Variants in TBCD observed in about 807,000 individuals in gnomAD.
The protein encoded by TBCD is tubulin-specific chaperone D.
Under a neutral mutation model 169.3 loss-of-function variants are expected in TBCD, and 105 were observed. That is an observed-to-expected ratio of 0.62 (90% confidence interval 0.53 to 0.73). The LOEUF (loss-of-function observed/expected upper bound fraction) is 0.73. TBCD is among the 30% of genes least tolerant of loss of function. The pLI, the probability that TBCD is intolerant of heterozygous loss-of-function variation, is 0.00. For missense variants in TBCD, 1,444 were observed against 1,600.1 expected, an observed-to-expected ratio of 0.90 and a Z score of 1.66; for synonymous variants, 700 against 643.9, an observed-to-expected ratio of 1.09 and a Z score of -1.32.
rs942035007 is a variant in TBCD, at chr17:82,777,883, G to T, written c.639-3706G>T. The stretch of plus-strand genomic sequence containing the variant: ...CTCTTTCCCGGTCCGCTAAGTAGCG[G>T]GTGTTTTTCCTTGACACTAACGCTA... On this transcript the variant is annotated intron_variant, in intron 6 of 38. Coordinates refer to ENST00000355528, the MANE Select transcript of TBCD (RefSeq NM_005993.5). 3.2e-4 allele frequency among the ~76,000 whole-genome samples: 48 copies of T among 152,272 alleles called. 1 individual carries two copies. Among genetic ancestry groups the T allele is most frequent in the Admixed American group, 2.7e-3 (41 of 15,296 alleles).
chr17:82,778,355 C>T (rs2048731150), intron 6 of TBCD, among the ~76,000 whole-genome samples: 1 of 152,218 alleles, frequency 6.6e-6, no homozygotes, highest in Admixed American at 6.5e-5. Flanking sequence ...CGGTTTGTCA[C>T]CACCTTAATG....
At chr17:82,827,863 ACCCC>A (rs1342995143) in intron 13 of TBCD, among the ~76,000 whole-genome samples, 3 of 107,276 alleles carry the variant, frequency 2.8e-5, no homozygotes, top group African/African-American at 1.1e-4. Flanking sequence ...ATGCACACAC[ACCCC>A]CCCACAGGCA....
intron 10 of TBCD, 57 bp from the exon 11 acceptor site, chr17:82,807,551 T>G: frequency 7.2e-7 from 1 of 1,384,774 alleles, no homozygotes. Context: ...ACCTTACAGC[T>G]GGGAAACTAG....
intron 14 of TBCD, among the ~76,000 whole-genome samples, chr17:82,878,811 C>T (rs923210246): frequency 2.6e-5 from 4 of 152,178 alleles, no homozygotes; most frequent in Non-Finnish European, 4.4e-5. Context: ...GTCCCCACCC[C>T]GACGTTCAGT....
chr17:82,814,948 G>T lies in TBCD; in HGVS notation c.1318+14G>T, dbSNP rs1380477031. On this transcript the variant is annotated intron_variant, in intron 13 of 38. Coordinates refer to ENST00000355528, the MANE Select transcript of TBCD (RefSeq NM_005993.5). ...GACTCGTGGATGGTGAGTAGCTGAG[G>T]CACGGTCAGGGGGGATGTCTGGCGC... The T allele has an allele frequency of 1.2e-6, 2 of 1,610,818 alleles. No homozygotes were observed. Among genetic ancestry groups the T allele is most frequent in the Admixed American group, 3.3e-5 (2 of 59,804 alleles).
Position 82,766,326 on chromosome 17 carries a change from T to C in TBCD, c.393T>C (p.Pro131=), listed in dbSNP as rs767608227. Reference sequence around the variant, plus strand: ...CTCATGAAGTTGCCGATGTAGAGCCTGTTTTAGATTTGGTCACAATTCAGA... The same window carrying C: ...CTCATGAAGTTGCCGATGTAGAGCCCGTTTTAGATTTGGTCACAATTCAGA... The part of the protein sequence containing the change: ...LFPHEVADVE[P]VLDLVTIQNP... The change falls in exon 4 of 39, where the codon CCT becomes CCC. Residue 131 remains proline, a synonymous_variant. Coordinates refer to ENST00000355528, the MANE Select transcript of TBCD (RefSeq NM_005993.5). The C allele has an allele frequency of 6.2e-7, 1 of 1,613,474 alleles. No individual in the cohort carries two copies. The highest frequency in any genetic ancestry group is 8.5e-7 in the Non-Finnish European group (1 of 1,179,690).
chr17:82,845,146 C>T (rs368138278), intron 13 of TBCD, among the ~76,000 whole-genome samples: 3 of 152,188 alleles, frequency 2.0e-5, no homozygotes, highest in Non-Finnish European at 4.4e-5. Flanking sequence ...TCCCTAGGGG[C>T]ACACAGGCTG....
intron 3 of TBCD, among the ~76,000 whole-genome samples, chr17:82,764,421 G>T (rs1487175149): frequency 2.0e-5 from 3 of 152,196 alleles, no homozygotes; most frequent in Non-Finnish European, 4.4e-5. Flanking sequence ...GAGGCAGGTG[G>T]ATCACCTGTG....
In TBCD at chr17:82,847,191, AAT is replaced by A. The variant is rs759110570; in HGVS notation, c.1319-23031_1319-23030del. ...ACAGTGAAACCCCGTCTCTACTAAA[AAT>A]ACACAAAAAATTAGCTGGGCGTGGT... On this transcript the variant is annotated intron_variant, in intron 13 of 38. Coordinates refer to ENST00000355528, the MANE Select transcript of TBCD (RefSeq NM_005993.5). Among the ~76,000 whole-genome samples the A allele has an allele frequency of 1.7e-3, 255 of 150,786 alleles. 1 individual carries two copies. Among genetic ancestry groups the A allele is most frequent in the Non-Finnish European group, 3.2e-3 (214 of 66,948 alleles).
chr17:82,939,359 T>C lies in TBCD; in HGVS notation c.3370-8T>C, dbSNP rs760490558. ...CCCTCCGGCAAATGCACTGCATCCC[T>C]GTCCCAGATCCGGAAGACCACGGCC... On this transcript the variant is annotated splice_polypyrimidine_tract_variant and splice_region_variant and intron_variant, in intron 36 of 38. Transcript: ENST00000355528. The C allele has an allele frequency of 6.2e-7, 1 of 1,607,726 alleles. No individual in the cohort carries two copies. Among genetic ancestry groups the C allele is most frequent in the Non-Finnish European group, 8.5e-7 (1 of 1,177,748 alleles).
rs1188172673 is a variant in TBCD at position 82,864,709 on chromosome 17, C to T, written c.1319-5515C>T. 6.6e-6 allele frequency among the ~76,000 whole-genome samples: 1 copy of T among 152,066 alleles called. No individual in the cohort carries two copies. The highest frequency in any genetic ancestry group is 1.5e-5 in the Non-Finnish European group (1 of 68,012). On this transcript the variant is annotated intron_variant, in intron 13 of 38. Transcript: ENST00000355528. This position sits in a 1 kb window ranked among gnomAD's most constrained non-coding sequence, Gnocchi z 6.3. ...GCGGGCTTGGGGCTTGGTGCGTGAT[C>T]CCACCGAGGCCGGGGTTGTGCTTGG...
intron 7 of TBCD, among the ~76,000 whole-genome samples, chr17:82,783,132 A>G (rs113525393): frequency 0.088 from 12,736 of 145,314 alleles, 1,470 homozygotes; most frequent in African/African-American, 0.27. Flanking sequence ...GGGTGGGGGC[A>G]TACGTTTCTT....
chr17:82,758,247 C>T (rs946391862), intron 2 of TBCD, among the ~76,000 whole-genome samples: 3 of 150,930 alleles, frequency 2.0e-5, no homozygotes, highest in Non-Finnish European at 3.0e-5. Flanking sequence ...AAATTAGCCG[C>T]GTGTGGTGCA....
chr17:82,941,788 CAAGTGCCAA>C (rs2063305059), intron 38 of TBCD: 1 of 427,302 alleles, frequency 2.3e-6, no homozygotes, highest in Non-Finnish European at 4.2e-6. Flanking sequence ...GTTTGTGCTC[CAAGTGCCAA>C]GAGTGCCACC....
Position 82,764,004 on chromosome 17 carries a change from A to G in TBCD, c.275A>G (p.Gln92Arg), listed in dbSNP as rs1254176772. Residue 92 changes from glutamine (Q) to arginine (R), a missense_variant, in exon 3 of 39, where the codon CAG becomes CGG. By Grantham distance (43) the Gln-to-Arg change is conservative (BLOSUM62 1). Coordinates refer to ENST00000355528, the MANE Select transcript of TBCD (RefSeq NM_005993.5). ...MNLLLDIVQD[Q>R]TSPASLVHLA... ...TTGTTGTTGGACATAGTGCAAGATCAGACATCTCCAGCTTCCCTTGTACAT... is the reference window on the plus strand; with the variant it reads ...TTGTTGTTGGACATAGTGCAAGATCGGACATCTCCAGCTTCCCTTGTACAT... The G allele has an allele frequency of 6.2e-7, 1 of 1,613,982 alleles. No individual in the cohort carries two copies.
intron 36 of TBCD, 141 bp downstream of exon 36, chr17:82,938,277 C>A: frequency 1.1e-6 from 1 of 934,100 alleles, no homozygotes; most frequent in South Asian, 1.5e-5. Context: ...GACGACGCGT[C>A]ACAGGCACGC....
chr17:82,781,537 G>T, intron 6 of TBCD, 52 bp from the exon 7 acceptor site: 6 of 1,603,652 alleles, frequency 3.7e-6, no homozygotes, highest in Non-Finnish European at 5.1e-6. Context: ...CTGGTGAGGC[G>T]TGGGCGAGGT....
intron 14 of TBCD, among the ~76,000 whole-genome samples, chr17:82,872,855 C>G (rs929252308): frequency 1.3e-5 from 2 of 152,158 alleles, no homozygotes; most frequent in African/African-American, 2.4e-5. Context: ...ACCTGGTGGC[C>G]GAAGGCTTCT....
Position 82,781,635 on chromosome 17 carries a change from C to T in TBCD, c.685C>T (p.Leu229=). The T allele has an allele frequency of 6.2e-7, 1 of 1,613,858 alleles. No homozygotes were observed. The highest frequency in any genetic ancestry group is 8.5e-7 in the Non-Finnish European group (1 of 1,179,858). ...CAAGCAAAGCAAGATGGCTGAGTTC[C>T]TGGACTGGAGCCTGTGCAATCTGGC... is the stretch of plus-strand genomic sequence containing the variant. ...DVKQSKMAEF[L]DWSLCNLARS... is the part of the protein sequence containing the mutation. Residue 229 remains leucine (L), a synonymous_variant, in exon 7 of 39, where the codon CTG becomes TTG. Transcript: ENST00000355528.
Sources: gnomAD v4.1 joint callset for allele counts (sites outside exome capture counted in the v4.1 genomes callset) on GRCh38, gnomAD v4.1.1 for gene constraint, Gnocchi (gnomAD v3.1) non-coding constraint, MANE v1.5 for transcripts, NCBI Gene and HGNC (gene_info 2026-07-23, HGNC 2026-07-21) for gene names.